The following ROBO2 variants were observed in gnomAD, a reference collection of about 807,000 sequenced individuals.
ROBO2 encodes the protein roundabout guidance receptor 2, also known as roundabout homolog 2.
ROBO2 carries 53 observed loss-of-function variants against 160.8 expected under a neutral mutation model. The ratio of observed to expected loss-of-function variants is 0.33; its 90% CI spans 0.26 to 0.41. The LOEUF (loss-of-function observed/expected upper bound fraction) is 0.41, where lower values mean the gene tolerates loss of function less well. ROBO2 is among the 10% of genes least tolerant of loss of function. The pLI, the probability that ROBO2 is intolerant of heterozygous loss-of-function variation, is 1.00. For missense variants in ROBO2, 1,577 were observed against 1,722.4 expected (o/e 0.92, Z 1.49); for synonymous variants, 664 against 611.7 (o/e 1.09, Z -1.26).
intron 2 of ROBO2, among the ~76,000 whole-genome samples, chr3:77,214,687 C>T (rs1481539668): frequency 6.6e-6 from 1 of 152,172 alleles, no homozygotes; most frequent in African/African-American, 2.4e-5. Context: ...ATGGTCTTTA[C>T]AATTTGGCAT....
intron 16 of ROBO2, among the ~76,000 whole-genome samples, chr3:77,583,781 TC>T (rs2093976063): frequency 6.6e-6 from 1 of 152,162 alleles, no homozygotes; most frequent in South Asian, 2.1e-4. Flanking sequence ...AATTTTGTGA[TC>T]TTTTGAAGCA....
At chr3:76,471,596 A>C (rs986460455) in intron 2 of ROBO2, among the ~76,000 whole-genome samples, 4 of 152,146 alleles carry the variant, frequency 2.6e-5, no homozygotes, top group South Asian at 2.1e-4. Context: ...ATTTTCAAAA[A>C]TTCTTAAAGG....
chr3:76,465,998 G>GATGGGT (rs1553763872), intron 2 of ROBO2, among the ~76,000 whole-genome samples: 7 of 147,672 alleles, frequency 4.7e-5, no homozygotes, highest in African/African-American at 1.7e-4. Flanking sequence ...ATAAAATATG[G>GATGGGT]GTGTGTGTGT....
intron 2 of ROBO2, among the ~76,000 whole-genome samples, chr3:77,250,466 G>A (rs547210167): frequency 1.4e-4 from 21 of 152,192 alleles, no homozygotes; most frequent in South Asian, 2.1e-4. Flanking sequence ...CTGGCGAGAC[G>A]TTGTTAGGTT....
intron 2 of ROBO2, among the ~76,000 whole-genome samples, chr3:76,426,468 A>G (rs2076224414): frequency 6.6e-6 from 1 of 152,190 alleles, no homozygotes; most frequent in African/African-American, 2.4e-5. Context: ...CAGAGTTCAT[A>G]GATGGTAAGG....
At chr3:76,054,459 C>A (rs2067766034) in intron 2 of ROBO2, among the ~76,000 whole-genome samples, 1 of 152,170 alleles carries the variant, frequency 6.6e-6, no homozygotes, top group African/African-American at 2.4e-5. Flanking sequence ...AACTATACCC[C>A]TGTTGTTCAC....
chr3:76,383,057 C>G lies in ROBO2; in HGVS notation c.109+445455C>G, dbSNP rs1050202421. On this transcript the variant is annotated intron_variant, in intron 2 of 26. Transcript: ENST00000487694. ...ATAAAGAAGAGTTTGAATTTGTAAG[C>G]CATTGAAAACATTGAACAATTTTTT... Among the ~76,000 whole-genome samples, 57 of 152,040 alleles carry G rather than the reference C, an allele frequency of 3.7e-4. 1 individual carries two copies. Among genetic ancestry groups the G allele is most frequent in the Admixed American group, 3.5e-3 (54 of 15,260 alleles).
At chr3:76,317,923 A>G (rs1413037496) in intron 2 of ROBO2, among the ~76,000 whole-genome samples, 5 of 152,140 alleles carry the variant, frequency 3.3e-5, no homozygotes, top group Non-Finnish European at 2.9e-5. Flanking sequence ...GCTATAGAAA[A>G]TATGTCCTGA....
chr3:77,568,994 CT>C (rs1221599703), intron 13 of ROBO2, among the ~76,000 whole-genome samples: 1 of 151,928 alleles, frequency 6.6e-6, no homozygotes, highest in East Asian at 1.9e-4. Context: ...GGCTTTGTTT[CT>C]TGTTGTTATC....
chr3:76,010,153 C>A (rs1011610164), intron 2 of ROBO2, among the ~76,000 whole-genome samples: 1 of 152,152 alleles, frequency 6.6e-6, no homozygotes, highest in African/African-American at 2.4e-5. Flanking sequence ...CTTAATGTGC[C>A]TGGGGCTTAG....
At chr3:76,027,745 A>G (rs563034131) in intron 2 of ROBO2, among the ~76,000 whole-genome samples, 184 of 152,062 alleles carry the variant, frequency 1.2e-3, no homozygotes, top group African/African-American at 4.3e-3. Context: ...CTTACAGGAC[A>G]CCCATTTAAA....
chr3:76,651,354 T>C (rs1386366730), intron 2 of ROBO2, among the ~76,000 whole-genome samples: 3 of 152,132 alleles, frequency 2.0e-5, no homozygotes, highest in Non-Finnish European at 4.4e-5. Context: ...TATTCTAAGC[T>C]TGGCCAGGCC....
chr3:77,536,261 A>C (rs994600852), intron 6 of ROBO2, among the ~76,000 whole-genome samples: 1 of 152,196 alleles, frequency 6.6e-6, no homozygotes, highest in African/African-American at 2.4e-5. Flanking sequence ...GCCTTAAAGC[A>C]GTCTGCAAAA....
At chr3:77,342,652 T>C (rs1581196780) in intron 2 of ROBO2, among the ~76,000 whole-genome samples, 1 of 152,234 alleles carries the variant, frequency 6.6e-6, no homozygotes, top group East Asian at 1.9e-4. Context: ...GTATTGTCCT[T>C]TTGATGAACA....
intron 1 of ROBO2, among the ~76,000 whole-genome samples, chr3:75,910,264 G>A (rs780485373): frequency 1.3e-4 from 20 of 152,310 alleles, no homozygotes; most frequent in South Asian, 8.3e-4. Flanking sequence ...AGTGAGTGCT[G>A]AGGAGTTGTG....
At chr3:76,963,571 G>A (rs1365879600) in intron 2 of ROBO2, among the ~76,000 whole-genome samples, 1 of 151,934 alleles carries the variant, frequency 6.6e-6, no homozygotes, top group East Asian at 1.9e-4. Context: ...TATATCATTT[G>A]ACTTTTTATC....
At chr3:76,120,152 C>T (rs1017440704) in intron 2 of ROBO2, among the ~76,000 whole-genome samples, 2 of 151,898 alleles carry the variant, frequency 1.3e-5, no homozygotes, top group African/African-American at 4.8e-5. Flanking sequence ...CAGGCATGCA[C>T]CACCATGACT....
At chr3:77,511,287 A>G (rs2089360548) in intron 5 of ROBO2, among the ~76,000 whole-genome samples, 1 of 151,930 alleles carries the variant, frequency 6.6e-6, no homozygotes, top group Non-Finnish European at 1.5e-5. Flanking sequence ...CACAGGCTAC[A>G]CTGGTTAAAA....
At chr3:76,712,097 A>C (rs1007135849) in intron 2 of ROBO2, among the ~76,000 whole-genome samples, 3 of 152,218 alleles carry the variant, frequency 2.0e-5, no homozygotes, top group African/African-American at 7.2e-5. Context: ...ATTGGCTATA[A>C]AAATGAATAA....
Sources: gnomAD v4.1 joint callset for allele counts (sites outside exome capture counted in the v4.1 genomes callset) on GRCh38, gnomAD v4.1.1 for gene constraint, MANE v1.5 for transcripts, NCBI Gene and HGNC (gene_info 2026-07-23, HGNC 2026-07-21) for gene names.